The following DZIP3 variants were observed in gnomAD, a reference collection of about 807,000 sequenced individuals.
DZIP3 encodes the protein E3 ubiquitin-protein ligase DZIP3.
Under a neutral mutation model 162.0 loss-of-function variants are expected in DZIP3, and 118 were observed. The ratio of observed to expected loss-of-function variants is 0.73; its 90% CI spans 0.63 to 0.85. The LOEUF (loss-of-function observed/expected upper bound fraction) is 0.85. Ranked by LOEUF, DZIP3 falls within the 40% of genes least tolerant of loss-of-function variation. DZIP3 has a pLI of 0.00. For missense variants in DZIP3, 1,331 were observed against 1,407.0 expected (o/e 0.95, Z 0.86); for synonymous variants, 438 against 458.6 (o/e 0.96, Z 0.57).
intron 20 of DZIP3, 72 bp downstream of exon 20, chr3:108,662,044 G>A (rs1943462607): frequency 1.3e-6 from 2 of 1,575,722 alleles, no homozygotes; most frequent in South Asian, 1.2e-5. Flanking sequence ...GGTGCTTTCT[G>A]TTTGAAAAGA....
intron 5 of DZIP3, among the ~76,000 whole-genome samples, 174 bp from the exon 6 acceptor site, chr3:108,624,270 A>T (rs376784156): frequency 1.3e-5 from 2 of 151,900 alleles, no homozygotes; most frequent in Non-Finnish European, 2.9e-5. Flanking sequence ...TCCTGGGTCA[A>T]ATTATCAAAT....
In DZIP3 at chr3:108,653,507, GTATATATATA is replaced by G. The variant is rs57047978; in HGVS notation, c.2034-612_2034-603del. 5.2e-3 allele frequency among the ~76,000 whole-genome samples: 541 copies of G among 104,620 alleles called. 8 individuals carry two copies. The highest frequency in any genetic ancestry group is 0.016 in the African/African-American group (477 of 29,780). 68.6% of individuals were successfully genotyped at this position (104,620 alleles called of 152,430 possible). On this transcript the variant is annotated intron_variant, in intron 18 of 32. Transcript: ENST00000361582. ...TGGTTAATTGCCATTGTGTGTGTGT[GTATATATATA>G]TATATATATATATATATATATATAT...
chr3:108,633,402 GA>G (rs934521633), intron 9 of DZIP3, among the ~76,000 whole-genome samples: 1 of 151,906 alleles, frequency 6.6e-6, no homozygotes, highest in African/African-American at 2.4e-5. Context: ...TTTATAGTTA[GA>G]ATTGTTAGAG....
chr3:108,604,288 G>A (rs1940197168), intron 1 of DZIP3, among the ~76,000 whole-genome samples: 1 of 152,274 alleles, frequency 6.6e-6, no homozygotes, highest in Non-Finnish European at 1.5e-5. Context: ...GGCAGCCTAC[G>A]TCCATTTTAT....
intron 22 of DZIP3, 87 bp from the exon 23 acceptor site, chr3:108,672,473 T>C (rs1292742633): frequency 3.5e-5 from 39 of 1,099,932 alleles, no homozygotes; most frequent in Non-Finnish European, 5.1e-5. Context: ...CTACTGATTG[T>C]ATAACTTATC....
At chr3:108,692,090 A>C (rs2107450328) in intron 32 of DZIP3, among the ~76,000 whole-genome samples, 1 of 152,274 alleles carries the variant, frequency 6.6e-6, no homozygotes, top group South Asian at 2.1e-4. Flanking sequence ...CTATTGAAAT[A>C]ACAAAAGTTG....
intron 8 of DZIP3, among the ~76,000 whole-genome samples, chr3:108,629,781 A>AT (rs1448566415): frequency 6.6e-6 from 1 of 151,338 alleles, no homozygotes; most frequent in African/African-American, 2.4e-5. Context: ...ATACAATGCG[A>AT]TTTTGGCATA....
chr3:108,654,357 GT>G, intron 19 of DZIP3, 47 bp downstream of exon 19: 1 of 1,603,956 alleles, frequency 6.2e-7, no homozygotes, highest in African/African-American at 1.3e-5. Flanking sequence ...TTGTTATCTG[GT>G]TTTTCCTGTG....
chr3:108,618,650 A>T lies in DZIP3; in HGVS notation c.375+1993A>T, dbSNP rs755333686. Among the ~76,000 whole-genome samples, 4 of 152,334 alleles carry T rather than the reference A, an allele frequency of 2.6e-5. No individual in the cohort carries two copies. The South Asian group carries it at 8.3e-4, about 32-fold the overall frequency. ...GTCCATCAAGAACAAACACACGTCT[A>T]TCTCCACTGAGATCAGTTTGAAGCC... is the stretch of plus-strand genomic sequence containing the variant. On this transcript the variant is annotated intron_variant, in intron 5 of 32. Transcript: ENST00000361582.
chr3:108,675,359 A>G (rs1397937341), intron 24 of DZIP3, among the ~76,000 whole-genome samples: 1 of 152,046 alleles, frequency 6.6e-6, no homozygotes, highest in Non-Finnish European at 1.5e-5. Flanking sequence ...AAGGAGCCAT[A>G]TAGGCCAACC....
At chr3:108,617,510 A>G (rs1941084494) in intron 5 of DZIP3, among the ~76,000 whole-genome samples, 1 of 152,230 alleles carries the variant, frequency 6.6e-6, no homozygotes. Flanking sequence ...AACAAAATGT[A>G]TTTATGTGTT....
chr3:108,595,603 A>G (rs1266058184), intron 1 of DZIP3, among the ~76,000 whole-genome samples: 3 of 152,216 alleles, frequency 2.0e-5, no homozygotes, highest in African/African-American at 7.2e-5. Context: ...ATGGAAGTAA[A>G]TAACACTTGC....
At chr3:108,648,825 A>G (rs1194439099) in intron 16 of DZIP3, 93 bp from the exon 17 acceptor site, 8 of 612,618 alleles carry the variant, frequency 1.3e-5, no homozygotes, top group African/African-American at 1.0e-4. Flanking sequence ...TTAGAAAACA[A>G]AAGATCTCAG....
chr3:108,647,509 T>C (rs1429139539), intron 15 of DZIP3, among the ~76,000 whole-genome samples: 4 of 152,162 alleles, frequency 2.6e-5, no homozygotes, highest in Non-Finnish European at 5.9e-5. Flanking sequence ...GGTCACATAA[T>C]AGGGGGCTCA....
rs1944584864 is a variant in DZIP3 at position 108,688,727 on chromosome 3, C to T, written c.3405C>T (p.Ala1135=). Residue 1135 remains alanine (A), a synonymous_variant, in exon 30 of 33, where the codon GCC becomes GCT. Coordinates refer to ENST00000361582, the MANE Select transcript of DZIP3 (RefSeq NM_014648.4). ...AGGGTCCTGCCACATGGGAAGGAGC[C>T]AGTAATCCAGTGAGACTGAAATTTT... ...TSQGPATWEG[A]SNPDEEEEEE... 6.2e-7 allele frequency: 1 copy of T among 1,613,888 alleles called. No homozygotes were observed. Among genetic ancestry groups the T allele is most frequent in the Non-Finnish European group, 8.5e-7 (1 of 1,179,964 alleles).
At position 108,631,055 on chromosome 3, in the gene DZIP3, A is replaced by ACACACTCTCTCT; in HGVS notation, c.696+1880_696+1881insACACTCTCTCTC. Among the ~76,000 whole-genome samples the ACACACTCTCTCT allele has an allele frequency of 2.1e-3, 38 of 18,008 alleles. 1 individual carries two copies. Among genetic ancestry groups the ACACACTCTCTCT allele is most frequent in the East Asian group, 5.1e-3 (2 of 396 alleles). 11.8% of individuals were successfully genotyped at this position (18,008 alleles called of 152,430 possible). On this transcript the variant is annotated intron_variant, in intron 8 of 32. Coordinates refer to ENST00000361582, the MANE Select transcript of DZIP3 (RefSeq NM_014648.4). ...CACACACACACACACACACACACAC[A>ACACACTCTCTCT]CTCTCTCTCTCTCTCTCTCTCTCTC...
At position 108,625,946 on chromosome 3, in the gene DZIP3, T is replaced by C; in HGVS notation, c.558T>C (p.Gly186=). The change falls in exon 7 of 33, where the codon GGT becomes GGC. Residue 186 remains glycine, a synonymous_variant. Coordinates refer to ENST00000361582, the MANE Select transcript of DZIP3 (RefSeq NM_014648.4). The stretch of plus-strand genomic sequence containing the variant: ...TGTCTTTAGTTTATTTTGGACGTGG[T>C]TTACTGCGATGTGCTCAAAAGAGGT... ...NFMSLVYFGR[G]LLRCAQKRYN... is the part of the protein sequence containing the mutation. 6.2e-7 allele frequency: 1 copy of C among 1,613,466 alleles called. No homozygotes were observed. Among genetic ancestry groups the C allele is most frequent in the Non-Finnish European group, 8.5e-7 (1 of 1,179,794 alleles).
chr3:108,608,202 AT>A (rs770167485), intron 3 of DZIP3, 44 bp downstream of exon 3: 29 of 1,402,476 alleles, frequency 2.1e-5, no homozygotes, highest in Non-Finnish European at 2.4e-5. Flanking sequence ...TTAATTGATA[AT>A]TAATTATATA....
chr3:108,690,260 T>A (rs1944644387), intron 31 of DZIP3, among the ~76,000 whole-genome samples: 2 of 152,202 alleles, frequency 1.3e-5, no homozygotes, highest in Non-Finnish European at 1.5e-5. Context: ...AAAAATGATT[T>A]GTTTTTGGAG....
Sources: allele counts gnomAD v4.1 joint callset (sites outside exome capture counted in the v4.1 genomes callset), GRCh38; gene constraint gnomAD v4.1.1; transcripts MANE v1.5; gene names NCBI Gene and HGNC (gene_info 2026-07-23, HGNC 2026-07-21).